The following ARHGAP22 variants were observed in gnomAD, a reference collection of about 807,000 sequenced individuals.
ARHGAP22 encodes the protein rho GTPase-activating protein 22.
ARHGAP22 carries 48 observed loss-of-function variants against 59.1 expected under a neutral mutation model. The observed-to-expected ratio is 0.81, with a 90% CI of 0.64 to 1.03. The LOEUF is 1.03. ARHGAP22 is among the 50% of genes least tolerant of loss of function. The pLI is 0.00. For synonymous variants in ARHGAP22, 445 were observed against 416.4 expected, an observed-to-expected ratio of 1.07 and a Z score of -0.84; for missense variants, 1,015 against 958.7, an observed-to-expected ratio of 1.06 and a Z score of -0.78.
At chr10:48,461,970 C>T (rs1333316583) in intron 4 of ARHGAP22, among the ~76,000 whole-genome samples, 2 of 152,192 alleles carry the variant, frequency 1.3e-5, no homozygotes, top group East Asian at 3.9e-4. Context: ...TGGCACAGAG[C>T]AGAACACAGT....
chr10:48,620,480 C>T (rs770802133), intron 1 of ARHGAP22, among the ~76,000 whole-genome samples: 20 of 152,210 alleles, frequency 1.3e-4, no homozygotes, highest in African/African-American at 1.9e-4. Context: ...TGGATTCCCA[C>T]TGTGCAATGC....
At chr10:48,460,032 C>G in intron 4 of ARHGAP22, 141 bp from the exon 5 acceptor site, 1 of 873,136 alleles carries the variant, frequency 1.1e-6, no homozygotes, top group Non-Finnish European at 1.7e-6. Flanking sequence ...AGGATGCATA[C>G]CAGAAGGCTG....
chr10:48,651,532 A>G (rs1433704131), intron 1 of ARHGAP22, among the ~76,000 whole-genome samples: 3 of 150,822 alleles, frequency 2.0e-5, no homozygotes, highest in African/African-American at 7.4e-5. Flanking sequence ...CATCACCTGC[A>G]TAGTCTACCC....
chr10:48,518,317 G>T (rs2134673985), intron 3 of ARHGAP22, among the ~76,000 whole-genome samples: 1 of 152,308 alleles, frequency 6.6e-6, no homozygotes, highest in Non-Finnish European at 1.5e-5. Flanking sequence ...CTTCCCAGCA[G>T]CAAGCATAAG....
At chr10:48,597,256 G>A (rs978015839) in intron 1 of ARHGAP22, among the ~76,000 whole-genome samples, 1 of 152,140 alleles carries the variant, frequency 6.6e-6, no homozygotes, top group African/African-American at 2.4e-5. Flanking sequence ...TTGTGCCTCT[G>A]TAGATGATCT....
chr10:48,575,024 T>C (rs1209029398), intron 2 of ARHGAP22: 1 of 152,218 alleles, frequency 6.6e-6, no homozygotes, highest in African/African-American at 2.4e-5. Context: ...GTTAGCACCA[T>C]CTTCTTGGTG....
chr10:48,567,132 T>C (rs1449221189), intron 2 of ARHGAP22, among the ~76,000 whole-genome samples: 2 of 152,200 alleles, frequency 1.3e-5, no homozygotes, highest in Non-Finnish European at 2.9e-5. Flanking sequence ...CTAGACTCCG[T>C]GCCAAACAGG....
chr10:48,630,727 T>C (rs1425167342), intron 1 of ARHGAP22, among the ~76,000 whole-genome samples: 1 of 152,232 alleles, frequency 6.6e-6, no homozygotes, highest in Admixed American at 6.5e-5. Context: ...GACAATCCTG[T>C]CTTCTGTGAA....
chr10:48,557,665 C>A (rs192611120), intron 2 of ARHGAP22, among the ~76,000 whole-genome samples: 52 of 152,354 alleles, frequency 3.4e-4, no homozygotes, highest in African/African-American at 1.3e-3. Context: ...CACCAACTGA[C>A]TTTGTTTGCA....
At chr10:48,485,985 T>G (rs1210469657) in intron 3 of ARHGAP22, among the ~76,000 whole-genome samples, 1 of 152,220 alleles carries the variant, frequency 6.6e-6, no homozygotes, top group Non-Finnish European at 1.5e-5. Flanking sequence ...GATTTAAGTC[T>G]GGCTTCTGTT....
intron 3 of ARHGAP22, chr10:48,532,729 A>G (rs1430230638): frequency 6.6e-6 from 1 of 151,216 alleles, no homozygotes; most frequent in African/African-American, 2.4e-5. Flanking sequence ...GAGTGAGAAC[A>G]TGCAGTGTTT....
chr10:48,518,191 G>A (rs1225853842), intron 3 of ARHGAP22, among the ~76,000 whole-genome samples: 3 of 152,110 alleles, frequency 2.0e-5, no homozygotes, highest in East Asian at 3.9e-4. Flanking sequence ...GGACGGCAAG[G>A]CTCGACCACA....
At chr10:48,633,004 C>G (rs1048963930) in intron 1 of ARHGAP22, among the ~76,000 whole-genome samples, 82 of 152,310 alleles carry the variant, frequency 5.4e-4, no homozygotes, top group African/African-American at 1.9e-3. Context: ...AGGACATCAC[C>G]TGCCACACGG....
intron 5 of ARHGAP22, among the ~76,000 whole-genome samples, chr10:48,457,356 A>G (rs1055873993): frequency 6.6e-5 from 10 of 152,128 alleles, no homozygotes; most frequent in African/African-American, 2.4e-4. Context: ...TGAGCAGCCC[A>G]GCCCTGCCAT....
chr10:48,620,681 C>T (rs1322019226), intron 1 of ARHGAP22, among the ~76,000 whole-genome samples: 3 of 152,190 alleles, frequency 2.0e-5, no homozygotes, highest in African/African-American at 7.2e-5. Context: ...GGGAGATGAA[C>T]TGGCCCATAG....
chr10:48,627,224 GT>G (rs1436226415), intron 1 of ARHGAP22, among the ~76,000 whole-genome samples: 1 of 152,168 alleles, frequency 6.6e-6, no homozygotes. Flanking sequence ...GTTTTCCTGA[GT>G]TTTGTGAGTC....
intron 3 of ARHGAP22, chr10:48,532,756 T>C (rs571541189): frequency 6.8e-4 from 104 of 152,162 alleles, no homozygotes; most frequent in African/African-American, 2.2e-3. Context: ...TTTGTCCTTG[T>C]GATAGTTTGC....
chr10:48,615,491 A>G (rs1348470830), intron 1 of ARHGAP22, among the ~76,000 whole-genome samples: 1 of 152,214 alleles, frequency 6.6e-6, no homozygotes, highest in Admixed American at 6.5e-5. Context: ...AGAAAATCTT[A>G]TTTCCAGAAT....
chr10:48,528,132 C>A (rs2054500712), intron 3 of ARHGAP22, among the ~76,000 whole-genome samples: 1 of 152,164 alleles, frequency 6.6e-6, no homozygotes, highest in African/African-American at 2.4e-5. Flanking sequence ...GATCCTGAAG[C>A]CTGTGCAGCC....
Sources: gnomAD v4.1 joint callset for allele counts (sites outside exome capture counted in the v4.1 genomes callset) on GRCh38, gnomAD v4.1.1 for gene constraint, MANE v1.5 for transcripts, NCBI Gene and HGNC (gene_info 2026-07-23, HGNC 2026-07-21) for gene names.